The following TRIM29 variants were observed in gnomAD, a reference collection of about 807,000 sequenced individuals.
The protein encoded by TRIM29 is tripartite motif-containing protein 29.
Under a neutral mutation model 57.3 loss-of-function variants are expected in TRIM29, and 52 were observed. The observed-to-expected ratio is 0.91, with a 90% CI of 0.73 to 1.14. TRIM29 has a LOEUF of 1.14. TRIM29 is among the 50% of genes most tolerant of loss of function. The probability of loss-of-function intolerance (pLI) is 0.00; values close to 1 mark genes in which losing one functional copy is unlikely to be tolerated. For missense variants in TRIM29, 753 were observed against 774.6 expected (o/e 0.97, Z 0.33); for synonymous variants, 319 against 316.9 (o/e 1.01, Z -0.07).
intron 8 of TRIM29, among the ~76,000 whole-genome samples, chr11:120,113,015 GC>G: frequency 6.6e-6 from 1 of 152,170 alleles, no homozygotes; most frequent in Non-Finnish European, 1.5e-5. Flanking sequence ...CCAGCAGGCT[GC>G]CTCCAAAACC....
intron 7 of TRIM29, chr11:120,117,954 T>C: frequency 2.0e-6 from 1 of 499,006 alleles, no homozygotes; most frequent in Non-Finnish European, 3.6e-6. Context: ...TGTCCCCCGG[T>C]CCTGACCACT....
chr11:120,125,970 T>C, intron 3 of TRIM29, 81 bp from the exon 4 acceptor site: 1 of 1,405,466 alleles, frequency 7.1e-7, no homozygotes, highest in Non-Finnish European at 9.8e-7. Context: ...GCTCTCACAG[T>C]GCAGCTGGGG....
chr11:120,118,843 C>T (rs1356946041), intron 6 of TRIM29: 2 of 153,784 alleles, frequency 1.3e-5, no homozygotes, highest in Non-Finnish European at 2.9e-5. Context: ...CTCCCAACGT[C>T]TGCATGTGCC....
chr11:120,119,656 C>G (rs922958559), intron 6 of TRIM29, among the ~76,000 whole-genome samples: 2 of 152,212 alleles, frequency 1.3e-5, no homozygotes, highest in Admixed American at 1.3e-4. Context: ...AGGGGTGCCG[C>G]TGATCACGGC....
At chr11:120,118,429 A>G in intron 6 of TRIM29, 108 bp from the exon 7 acceptor site, 1 of 762,590 alleles carries the variant, frequency 1.3e-6, no homozygotes, top group East Asian at 2.7e-5. Context: ...GCCACAACTT[A>G]AGCCAGGATG....
chr11:120,126,076 C>T, intron 3 of TRIM29, 187 bp from the exon 4 acceptor site: 1 of 615,332 alleles, frequency 1.6e-6, no homozygotes, highest in African/African-American at 1.8e-5. Flanking sequence ...GCTAACATCC[C>T]TGATGGCACT....
Position 120,125,802 on chromosome 11 carries a change from A to T in TRIM29, c.1222T>A (p.Ser408Thr). ...AGGTCGTCCTTGAAGTTGCCTAGTG[A>T]CTGTCCCAGGCCCTCCCCCTCCAGC... ...VLLEGEGLGQ[S>T]LGNFKDDLLN... Residue 408 changes from serine (S) to threonine (T), a missense_variant, in exon 4 of 9, where the codon TCA (serine) becomes ACA (threonine). By Grantham distance (58) the Ser-to-Thr change is moderately conservative. Transcript: ENST00000341846. The T allele has an allele frequency of 3.1e-6, 5 of 1,614,054 alleles. No individual in the cohort carries two copies. The highest frequency in any genetic ancestry group is 4.2e-6 in the Non-Finnish European group (5 of 1,179,994).
intron 4 of TRIM29, chr11:120,123,573 G>T: frequency 4.9e-6 from 2 of 407,576 alleles, no homozygotes; most frequent in Non-Finnish European, 4.9e-6. Context: ...GGCCTCCATG[G>T]CCCAGGGATC....
At position 120,137,590 on chromosome 11, in the gene TRIM29, T is replaced by C. The variant is rs2135035866; in HGVS notation, c.442A>G (p.Thr148Ala). 1 of 1,612,552 alleles carries C rather than the reference T, an allele frequency of 6.2e-7. No homozygotes were observed. The highest frequency in any genetic ancestry group is 1.7e-4 in the Middle Eastern group (1 of 6,056). Reference protein sequence around the residue: ...PTVSIMEPGETRRNSYPRADT... With the variant: ...PTVSIMEPGEARRNSYPRADT... ...GCCCGGGGGTAGCTGTTCCGCCGGG[T>C]CTCCCCGGGCTCCATGATGGACACC... Residue 148 changes from threonine (T) to alanine (A), a missense_variant, in exon 1 of 9, where the codon ACC becomes GCC. Transcript: ENST00000341846. This position sits in a 1 kb window ranked among gnomAD's most constrained non-coding sequence, Gnocchi z 6.2.
rs1863130534 is a variant in TRIM29, at chr11:120,111,448, C to A, written c.*966G>T. On this transcript the variant is annotated 3_prime_UTR_variant, in exon 9 of 9. Transcript: ENST00000341846. The stretch of plus-strand genomic sequence containing the variant: ...CTCCTGGTTTTGTCTCCTCTCCAAT[C>A]CTTGAGCACCCTGATATGCAACATG... The A allele has an allele frequency of 6.6e-6, 1 of 152,276 alleles. No homozygotes were observed. The highest frequency in any genetic ancestry group is 1.5e-5 in the Non-Finnish European group (1 of 68,094). 9.4% of individuals were successfully genotyped at this position (152,276 alleles called of 1,614,324 possible).
Position 120,137,679 on chromosome 11 carries a change from G to T in TRIM29, c.353C>A (p.Pro118His). The T allele has an allele frequency of 1.2e-6, 2 of 1,613,588 alleles. No homozygotes were observed. Among genetic ancestry groups the T allele is most frequent in the East Asian group, 2.2e-5 (1 of 44,846 alleles). Residue 118 changes from proline to histidine, a missense_variant, in exon 1 of 9, where the codon CCC (proline) becomes CAC (histidine). By Grantham distance (77) the Pro-to-His change is moderately conservative. Coordinates refer to ENST00000341846, the MANE Select transcript of TRIM29 (RefSeq NM_012101.4). This position sits in a 1 kb window ranked among gnomAD's most constrained non-coding sequence, Gnocchi z 6.2. ...GLQLGAAKKP[P>H]VTFAEKGELR... ...CTCGCCCTTTTCGGCAAAGGTAACG[G>T]GTGGCTTCTTGGCAGCCCCCAGCTG...
intron 1 of TRIM29, among the ~76,000 whole-genome samples, chr11:120,132,234 A>G (rs1045024467): frequency 6.7e-6 from 1 of 149,206 alleles, no homozygotes; most frequent in Admixed American, 6.7e-5. Context: ...CCCTCCCAGC[A>G]CCCTCCCCAT....
At chr11:120,129,007 G>T in intron 1 of TRIM29, 2 of 1,009,432 alleles carry the variant, frequency 2.0e-6, no homozygotes, top group Non-Finnish European at 2.6e-6. Flanking sequence ...CTCCGTCTGG[G>T]CAGGCACAGC....
chr11:120,137,159 AGAT>A lies in TRIM29; in HGVS notation c.804+66_804+68del. ...AAACCCGAGGAAGCCCGAGTGGAGA[AGAT>A]GAAGTTCGGAGGGGTGGGGTGAGAG... On this transcript the variant is annotated intron_variant, in intron 1 of 8. Transcript: ENST00000341846. This position sits in a 1 kb window ranked among gnomAD's most constrained non-coding sequence, Gnocchi z 6.2. 1 of 1,550,648 alleles carries A rather than the reference AGAT, an allele frequency of 6.4e-7. No individual in the cohort carries two copies. The highest frequency in any genetic ancestry group is 8.8e-7 in the Non-Finnish European group (1 of 1,136,522).
At position 120,125,870 on chromosome 11, in the gene TRIM29, C is replaced by G. The variant is rs535833541; in HGVS notation, c.1154G>C (p.Ser385Thr). The change falls in exon 4 of 9, where the codon AGC becomes ACC. Residue 385 changes from serine to threonine, a missense_variant. Physicochemically the swap from Ser to Thr is moderately conservative, Grantham distance 58. Transcript: ENST00000341846. ...CAGGGGTGGGGGGAGAGAGTAATTGCTCATCAATGCACCAAATTCCTACCA... is the reference window on the plus strand; with the variant it reads ...CAGGGGTGGGGGGAGAGAGTAATTGGTCATCAATGCACCAAATTCCTACCA... ...LFLQEFGALM[S>T]NYSLPPPLPT... 2.5e-6 allele frequency: 4 copies of G among 1,613,460 alleles called. No homozygotes were observed. In the African/African-American group the frequency reaches 5.3e-5, roughly 22 times the overall value.
chr11:120,136,852 G>C (rs1480399883), intron 1 of TRIM29, among the ~76,000 whole-genome samples: 5 of 152,012 alleles, frequency 3.3e-5, no homozygotes, highest in Admixed American at 2.0e-4. Flanking sequence ...AGAAGGAGAA[G>C]AAGAAGAAAG....
Position 120,127,369 on chromosome 11 carries a change from C to A in TRIM29, c.1101G>T (p.Leu367=). The change falls in exon 3 of 9, where the codon CTG becomes CTT. Residue 367 remains leucine, a synonymous_variant. Transcript: ENST00000341846. ...ACAACACAGAGTCGCTGATGCTATG[C>A]AGCTGCTCCCGGGTCTGCTTGTCCT... The part of the protein sequence containing the change: ...LHEDKQTREQ[L]HSISDSVLFL... The A allele has an allele frequency of 6.2e-7, 1 of 1,614,122 alleles. No homozygotes were observed. Among genetic ancestry groups the A allele is most frequent in the Non-Finnish European group, 8.5e-7 (1 of 1,180,026 alleles).
Position 120,120,584 on chromosome 11 carries a change from T to C in TRIM29, c.1517A>G (p.Tyr506Cys), listed in dbSNP as rs140894169. ...GAGCCACCACCTACCTTTGGTGCCATAGAGATTGTTGAAATTCTTCTGGGT... is the reference window on the plus strand; with the variant it reads ...GAGCCACCACCTACCTTTGGTGCCACAGAGATTGTTGAAATTCTTCTGGGT... ...ETTQKNFNNL[Y>C]GTKGNYTSRV... Residue 506 changes from tyrosine (Y) to cysteine (C), a missense_variant, in exon 6 of 9, where the codon TAT becomes TGT. By Grantham distance (194) the Tyr-to-Cys change is radical (BLOSUM62 -2). Transcript: ENST00000341846. 7.0e-5 allele frequency: 113 copies of C among 1,613,220 alleles called. No homozygotes were observed. The African/African-American group carries it at 1.3e-3, about 19-fold the overall frequency.
At chr11:120,117,209 C>G (rs756261664) in intron 7 of TRIM29, 4 of 210,284 alleles carry the variant, frequency 1.9e-5, no homozygotes, top group Non-Finnish European at 3.9e-5. Flanking sequence ...GAGCAGAGAG[C>G]AGAAAGGCGC....
Sources: allele counts gnomAD v4.1 joint callset (sites outside exome capture counted in the v4.1 genomes callset), GRCh38; gene constraint gnomAD v4.1.1; non-coding constraint Gnocchi (gnomAD v3.1); transcripts MANE v1.5; gene names NCBI Gene and HGNC (gene_info 2026-07-23, HGNC 2026-07-21).